GPC6: variants seen among roughly 807,000 people sequenced by gnomAD.
GPC6 encodes the protein glypican-6.
GPC6 carries 14 observed loss-of-function variants against 55.2 expected under a neutral mutation model. The ratio of observed to expected loss-of-function variants is 0.25; its 90% confidence interval spans 0.17 to 0.40. The LOEUF (loss-of-function observed/expected upper bound fraction) is 0.40, where lower values mean the gene tolerates loss of function less well. Among genes scored for constraint, GPC6 ranks in the 10% least tolerant of loss-of-function variants. The probability of loss-of-function intolerance (pLI) is 1.00; values close to 1 mark genes in which losing one functional copy is unlikely to be tolerated. For synonymous variants in GPC6, 278 were observed against 259.6 expected, an observed-to-expected ratio of 1.07 and a Z score of -0.68; for missense variants, 641 against 708.5, an observed-to-expected ratio of 0.90 and a Z score of 1.08.
intron 2 of GPC6, among the ~76,000 whole-genome samples, chr13:93,714,631 G>T (rs923969167): frequency 6.6e-6 from 1 of 151,472 alleles, no homozygotes; most frequent in Non-Finnish European, 1.5e-5. Context: ...CAGACCCTTG[G>T]TCCTTGAGGG....
chr13:94,107,796 A>G (rs1886110155), intron 4 of GPC6, among the ~76,000 whole-genome samples: 1 of 152,156 alleles, frequency 6.6e-6, no homozygotes, highest in Non-Finnish European at 1.5e-5. Flanking sequence ...AATGCTCAAC[A>G]TCACTAACGA....
chr13:94,382,452 G>A lies in GPC6; in HGVS notation c.1191G>A (p.Lys397=), dbSNP rs532217149. 3 of 1,614,062 alleles carry A rather than the reference G, an allele frequency of 1.9e-6. No individual in the cohort carries two copies. The highest frequency in any genetic ancestry group is 2.5e-6 in the Non-Finnish European group (3 of 1,179,942). Residue 397 remains lysine (K), a synonymous_variant, in exon 7 of 9, where the codon AAG becomes AAA. Transcript: ENST00000377047. ...DIKEKLKLSK[K]VWSALPYTIC... ...AAGAGAAATTGAAGCTCTCTAAAAA[G>A]GTCTGGTCAGCATTACCCTACACTA...
chr13:93,721,116 C>G (rs1227329561), intron 2 of GPC6, among the ~76,000 whole-genome samples: 6 of 151,860 alleles, frequency 4.0e-5, no homozygotes. Flanking sequence ...TCTGAATATC[C>G]TTGCTAATTT....
chr13:94,105,260 G>A (rs969148186), intron 4 of GPC6, among the ~76,000 whole-genome samples: 10 of 152,150 alleles, frequency 6.6e-5, no homozygotes, highest in African/African-American at 2.2e-4. Flanking sequence ...TCAGGAGTCT[G>A]AGATGGGAGG....
In GPC6 at chr13:93,709,155, A is replaced by C. The variant is rs200580258; in HGVS notation, c.320-120999A>C. ...ATTATATTACTAAAGCAAGTGCTTC[A>C]TAAAACAAGAAAGAAAGTAGGTTAT... On this transcript the variant is annotated intron_variant, in intron 2 of 8. Coordinates refer to ENST00000377047, the MANE Select transcript of GPC6 (RefSeq NM_005708.5). 1.3e-4 allele frequency among the ~76,000 whole-genome samples: 20 copies of C among 151,956 alleles called. No individual in the cohort carries two copies. In the East Asian group the frequency reaches 3.9e-3, roughly 30 times the overall value.
intron 3 of GPC6, among the ~76,000 whole-genome samples, chr13:93,861,001 T>C (rs558284074): frequency 3.3e-5 from 5 of 150,610 alleles, no homozygotes; most frequent in African/African-American, 1.2e-4. Flanking sequence ...TGTGTTGCAG[T>C]TACATAACAG....
chr13:93,803,412 A>G (rs1886440668), intron 2 of GPC6, among the ~76,000 whole-genome samples: 1 of 152,174 alleles, frequency 6.6e-6, no homozygotes, highest in African/African-American at 2.4e-5. Context: ...TATGATTGTG[A>G]TAATAAAAAA....
chr13:94,299,186 T>C (rs1875507759), intron 5 of GPC6, among the ~76,000 whole-genome samples: 1 of 151,584 alleles, frequency 6.6e-6, no homozygotes, highest in South Asian at 2.1e-4. Context: ...AATCCTTAGA[T>C]TTGATTTATT....
chr13:94,109,529 C>G (rs1201529387), intron 4 of GPC6, among the ~76,000 whole-genome samples: 2 of 151,992 alleles, frequency 1.3e-5, no homozygotes, highest in African/African-American at 4.8e-5. Context: ...CAGACAGCAT[C>G]ATACCACCTA....
chr13:93,687,668 TC>T (rs1358563306), intron 2 of GPC6, among the ~76,000 whole-genome samples: 4 of 152,084 alleles, frequency 2.6e-5, no homozygotes, highest in African/African-American at 9.7e-5. Flanking sequence ...TATGTAAAGT[TC>T]TTAAAATGCT....
At chr13:93,560,742 G>T (rs542202368) in intron 2 of GPC6, among the ~76,000 whole-genome samples, 1 of 149,044 alleles carries the variant, frequency 6.7e-6, no homozygotes, top group African/African-American at 2.5e-5. Flanking sequence ...CTCCAGCCTG[G>T]GCGACAGAGC....
intron 1 of GPC6, among the ~76,000 whole-genome samples, chr13:93,451,216 T>C (rs1344332761): frequency 1.3e-5 from 2 of 152,248 alleles, no homozygotes; most frequent in Non-Finnish European, 1.5e-5. Flanking sequence ...AAGTAATTTA[T>C]ATTACTCACA....
rs1009860018 is a variant in GPC6 at position 93,450,148 on chromosome 13, T to A, written c.161-95115T>A. Among the ~76,000 whole-genome samples, 4 of 152,168 alleles carry A rather than the reference T, an allele frequency of 2.6e-5. No individual in the cohort carries two copies. In the South Asian group the frequency reaches 6.2e-4, roughly 24 times the overall value. ...ATTTGTTTTATCCACCACTGGAGTT[T>A]TTTTCTCACTTCCAGTTAGTAGCTT... On this transcript the variant is annotated intron_variant, in intron 1 of 8. Transcript: ENST00000377047.
At chr13:94,073,471 T>G (rs548698092) in intron 4 of GPC6, among the ~76,000 whole-genome samples, 1 of 152,326 alleles carries the variant, frequency 6.6e-6, no homozygotes, top group South Asian at 2.1e-4. Context: ...TTGGATATGT[T>G]TCCATTTGCC....
intron 1 of GPC6, among the ~76,000 whole-genome samples, chr13:93,459,658 A>C (rs200091246): frequency 1.3e-5 from 2 of 152,188 alleles, no homozygotes; most frequent in East Asian, 3.9e-4. Context: ...TTCACTTTTA[A>C]TGTAAAATTA....
At chr13:93,837,938 A>G (rs1317006688) in intron 3 of GPC6, among the ~76,000 whole-genome samples, 1 of 152,246 alleles carries the variant, frequency 6.6e-6, no homozygotes, top group Non-Finnish European at 1.5e-5. Flanking sequence ...CAAGCATGTT[A>G]TCCTTGAGCC....
chr13:94,021,705 G>A (rs17195883), intron 3 of GPC6, among the ~76,000 whole-genome samples: 2,210 of 151,736 alleles, frequency 0.015, 22 homozygotes, highest in Non-Finnish European at 0.022. Context: ...TACAAGGATC[G>A]TTGGTTATAA....
chr13:93,259,103 G>T (rs768064204), intron 1 of GPC6, among the ~76,000 whole-genome samples: 1 of 152,104 alleles, frequency 6.6e-6, no homozygotes, highest in Non-Finnish European at 1.5e-5. Flanking sequence ...ATTACTTTTC[G>T]TGCTGCTTTA....
chr13:93,253,171 A>C (rs1646024337), intron 1 of GPC6, among the ~76,000 whole-genome samples: 1 of 152,258 alleles, frequency 6.6e-6, no homozygotes, highest in Admixed American at 6.5e-5. Context: ...AAACATAAAG[A>C]GTACTTTAAA....
Sources: gnomAD v4.1 joint callset for allele counts (sites outside exome capture counted in the v4.1 genomes callset) on GRCh38, gnomAD v4.1.1 for gene constraint, MANE v1.5 for transcripts, NCBI Gene and HGNC (gene_info 2026-07-23, HGNC 2026-07-21) for gene names.